HAT1: variants seen among roughly 807,000 people sequenced by gnomAD.
The protein encoded by HAT1 is histone acetyltransferase type B catalytic subunit.
Under a neutral mutation model 56.6 loss-of-function variants are expected in HAT1, and 20 were observed. The ratio of observed to expected loss-of-function variants is 0.35; its 90% CI spans 0.25 to 0.51. The LOEUF (loss-of-function observed/expected upper bound fraction) is 0.51. Ranked by LOEUF, HAT1 falls within the 20% of genes least tolerant of loss-of-function variation. HAT1 has a pLI of 0.95. For missense variants in HAT1, 408 were observed against 504.3 expected, an observed-to-expected ratio of 0.81 and a Z score of 1.83; for synonymous variants, 146 against 165.5, an observed-to-expected ratio of 0.88 and a Z score of 0.91.
At chr2:171,922,775 C>T (rs1332171036) in intron 1 of HAT1, 2 of 391,204 alleles carry the variant, frequency 5.1e-6, no homozygotes, top group Non-Finnish European at 9.0e-6. Flanking sequence ...GGAAAAGCGT[C>T]ATGATTTGGG....
chr2:171,966,238 T>C (rs1687680124), intron 6 of HAT1, 171 bp from the exon 7 acceptor site: 2 of 640,486 alleles, frequency 3.1e-6, no homozygotes, highest in Non-Finnish European at 2.9e-6. Context: ...TCCAAGTTGC[T>C]GCACACCAAT....
chr2:171,963,120 G>A (rs1687611822), intron 4 of HAT1, among the ~76,000 whole-genome samples: 1 of 151,364 alleles, frequency 6.6e-6, no homozygotes, highest in South Asian at 2.1e-4. Context: ...CTTTAGTGAA[G>A]CGAAGTTGTA....
At chr2:171,950,442 A>G (rs978472446) in intron 3 of HAT1, among the ~76,000 whole-genome samples, 29 of 151,978 alleles carry the variant, frequency 1.9e-4, no homozygotes, top group South Asian at 4.2e-4. Context: ...CAGCCTCCCA[A>G]AGTCCTAGAA....
At chr2:171,979,068 C>T (rs1279295252) in intron 9 of HAT1, among the ~76,000 whole-genome samples, 179 bp from the exon 10 acceptor site, 1 of 152,150 alleles carries the variant, frequency 6.6e-6, no homozygotes, top group Admixed American at 6.5e-5. Flanking sequence ...ATTATCCATA[C>T]CATAATCATT....
chr2:171,943,855 TA>T (rs1687090499), intron 2 of HAT1, among the ~76,000 whole-genome samples: 1 of 151,310 alleles, frequency 6.6e-6, no homozygotes. Context: ...TTAATAGCTT[TA>T]AAAAAAATTA....
Position 171,976,158 on chromosome 2 carries a change from G to A in HAT1, c.825G>A (p.Ala275=), listed in dbSNP as rs892778914. The change falls in exon 9 of 11, where the codon GCG becomes GCA. Residue 275 remains alanine (A), a splice_region_variant and synonymous_variant. Transcript: ENST00000264108. ...TEFPTVLDIT[A]EDPSKSYVKL... ...TATTATTCTGCTTTATTTATTTAGC[G>A]GAAGATCCATCCAAAAGCTATGTGA... The A allele has an allele frequency of 2.1e-5, 33 of 1,547,990 alleles. No homozygotes were observed. Among genetic ancestry groups the A allele is most frequent in the South Asian group, 8.7e-5 (7 of 80,124 alleles).
chr2:171,926,563 G>T (rs940587340), intron 2 of HAT1, among the ~76,000 whole-genome samples: 1 of 152,174 alleles, frequency 6.6e-6, no homozygotes, highest in African/African-American at 2.4e-5. Flanking sequence ...AAAGTGCTGG[G>T]ATTACAGGCA....
chr2:171,950,819 T>G (rs1240997691), intron 3 of HAT1, among the ~76,000 whole-genome samples: 1 of 151,226 alleles, frequency 6.6e-6, no homozygotes, highest in East Asian at 2.0e-4. Context: ...GTGTGTTTTG[T>G]TTTGAGACGT....
intron 2 of HAT1, among the ~76,000 whole-genome samples, chr2:171,929,367 T>C (rs1191172834): frequency 6.6e-6 from 1 of 152,208 alleles, no homozygotes; most frequent in East Asian, 1.9e-4. Flanking sequence ...TCTGGATGAG[T>C]CCTTTATGCA....
At chr2:171,924,436 C>T (rs1348477997) in intron 1 of HAT1, 2 of 152,076 alleles carry the variant, frequency 1.3e-5, no homozygotes, top group Admixed American at 1.3e-4. Flanking sequence ...CTCGCGATCC[C>T]CCTGCCTCGG....
At chr2:171,954,143 C>T (rs549770312) in intron 4 of HAT1, among the ~76,000 whole-genome samples, 1 of 152,266 alleles carries the variant, frequency 6.6e-6, no homozygotes, top group East Asian at 1.9e-4. Flanking sequence ...CCTTTGTGAT[C>T]AGAGTTTTAT....
At chr2:171,926,629 CTA>C (rs1399627488) in intron 2 of HAT1, among the ~76,000 whole-genome samples, 2 of 152,090 alleles carry the variant, frequency 1.3e-5, no homozygotes. Flanking sequence ...CCCTACGTGT[CTA>C]TGTGTCCAGG....
chr2:171,954,394 A>G (rs1687388826), intron 4 of HAT1, among the ~76,000 whole-genome samples: 1 of 152,152 alleles, frequency 6.6e-6, no homozygotes, highest in African/African-American at 2.4e-5. Context: ...AAAGGTAAAG[A>G]GAGAGATGAG....
intron 4 of HAT1, among the ~76,000 whole-genome samples, chr2:171,960,608 T>C (rs1003978241): frequency 1.3e-5 from 2 of 152,234 alleles, no homozygotes; most frequent in African/African-American, 4.8e-5. Context: ...TTAAGATGCC[T>C]ATAAAATCTC....
At chr2:171,928,480 T>G (rs1167853593) in intron 2 of HAT1, among the ~76,000 whole-genome samples, 3 of 152,240 alleles carry the variant, frequency 2.0e-5, no homozygotes, top group African/African-American at 7.2e-5. Flanking sequence ...CATCATATGT[T>G]GTCTGTACCA....
At chr2:171,962,433 C>T (rs1687596041) in intron 4 of HAT1, among the ~76,000 whole-genome samples, 2 of 152,220 alleles carry the variant, frequency 1.3e-5, no homozygotes, top group South Asian at 4.1e-4. Context: ...CTCACCCTGT[C>T]ACCCAGGCTG....
At position 171,965,884 on chromosome 2, in the gene HAT1, A is replaced by T; in HGVS notation, c.587A>T (p.Asp196Val). 6.2e-7 allele frequency: 1 copy of T among 1,613,238 alleles called. No individual in the cohort carries two copies. Among genetic ancestry groups the T allele is most frequent in the Non-Finnish European group, 8.5e-7 (1 of 1,179,238 alleles). ...IETASFIDVD[D>V]ERWHYFLVFE... ...ACTGCTAGCTTTATTGACGTGGATG[A>T]TGAAAGATGGCACTACTTTCTAGTG... is the stretch of plus-strand genomic sequence containing the variant. The change falls in exon 6 of 11, where the codon GAT becomes GTT. Residue 196 changes from aspartate to valine, a missense_variant. By Grantham distance (152) the Asp-to-Val change is radical (BLOSUM62 -3). Coordinates refer to ENST00000264108, the MANE Select transcript of HAT1 (RefSeq NM_003642.4).
chr2:171,968,418 G>A (rs1263382613), intron 8 of HAT1, among the ~76,000 whole-genome samples: 1 of 152,112 alleles, frequency 6.6e-6, no homozygotes, highest in Non-Finnish European at 1.5e-5. Context: ...TGTGCCAGCA[G>A]GGGTTGTTTC....
At chr2:171,937,837 C>T (rs1251690541) in intron 2 of HAT1, among the ~76,000 whole-genome samples, 1 of 152,120 alleles carries the variant, frequency 6.6e-6, no homozygotes, top group Non-Finnish European at 1.5e-5. Context: ...GCCTAAGCAA[C>T]ATAGCGAGAC....
Sources: allele counts gnomAD v4.1 joint callset (sites outside exome capture counted in the v4.1 genomes callset), GRCh38; gene constraint gnomAD v4.1.1; transcripts MANE v1.5; gene names NCBI Gene and HGNC (gene_info 2026-07-23, HGNC 2026-07-21).